The following AUH variants were observed in gnomAD, a reference collection of about 807,000 sequenced individuals.
AUH encodes the protein methylglutaconyl-CoA hydratase, mitochondrial.
In AUH, 29 loss-of-function variants were observed where a neutral mutation model predicts 42.3. That is an observed-to-expected ratio of 0.69 (90% CI 0.51 to 0.93). AUH has a LOEUF of 0.93. Ranked by LOEUF, AUH falls within the 40% of genes least tolerant of loss-of-function variation. AUH has a pLI of 0.00. For missense variants in AUH, 452 were observed against 438.1 expected (o/e 1.03, Z -0.28); for synonymous variants, 174 against 166.4 (o/e 1.05, Z -0.35).
intron 3 of AUH, among the ~76,000 whole-genome samples, chr9:91,329,003 T>C (rs1362199248): frequency 6.6e-6 from 1 of 152,226 alleles, no homozygotes; most frequent in Admixed American, 6.5e-5. Flanking sequence ...ACATTTCCTA[T>C]AAATAAATTC....
chr9:91,220,775 G>A (rs750904334), intron 7 of AUH, 30 bp downstream of exon 7: 1 of 1,611,566 alleles, frequency 6.2e-7, no homozygotes, highest in Non-Finnish European at 8.5e-7. Context: ...CCTAAAATGA[G>A]AAAAAATAAA....
chr9:91,313,808 T>C (rs537060794), intron 4 of AUH, among the ~76,000 whole-genome samples: 1 of 149,056 alleles, frequency 6.7e-6, no homozygotes, highest in African/African-American at 2.5e-5. Flanking sequence ...GTGCAGTATC[T>C]GGTCCATAAA....
intron 4 of AUH, among the ~76,000 whole-genome samples, chr9:91,302,452 G>A (rs529818825): frequency 6.6e-6 from 1 of 152,180 alleles, no homozygotes; most frequent in African/African-American, 2.4e-5. Flanking sequence ...AGCTGGGCGT[G>A]GTGGTACATG....
intron 4 of AUH, among the ~76,000 whole-genome samples, chr9:91,307,812 C>T (rs1828347662): frequency 6.6e-6 from 1 of 152,054 alleles, no homozygotes; most frequent in Admixed American, 6.5e-5. Context: ...TTCAGACATC[C>T]ACTAGGGGTC....
chr9:91,336,351 G>A (rs1296057052), intron 3 of AUH, among the ~76,000 whole-genome samples: 3 of 152,054 alleles, frequency 2.0e-5, no homozygotes, highest in African/African-American at 7.2e-5. Flanking sequence ...ACCTGGATTG[G>A]CCAGGCATGG....
intron 6 of AUH, among the ~76,000 whole-genome samples, chr9:91,270,952 T>C (rs1011485394): frequency 4.6e-5 from 7 of 152,166 alleles, no homozygotes; most frequent in Non-Finnish European, 5.9e-5. Flanking sequence ...TCAAACTACC[T>C]TATAAAAATA....
intron 7 of AUH, among the ~76,000 whole-genome samples, chr9:91,217,897 A>G (rs1826917772): frequency 6.6e-6 from 1 of 152,212 alleles, no homozygotes; most frequent in Non-Finnish European, 1.5e-5. Flanking sequence ...CAGGATGCAG[A>G]AGAGTCACAA....
chr9:91,313,446 C>T (rs1003126418), intron 4 of AUH, among the ~76,000 whole-genome samples: 20 of 152,110 alleles, frequency 1.3e-4, no homozygotes, highest in African/African-American at 4.8e-4. Flanking sequence ...TGGCTCACGC[C>T]TGTAATCCCA....
At chr9:91,300,647 C>G (rs1827710445) in intron 4 of AUH, among the ~76,000 whole-genome samples, 1 of 152,226 alleles carries the variant, frequency 6.6e-6, no homozygotes, top group Non-Finnish European at 1.5e-5. Context: ...ATGATTTATT[C>G]TACCTTCAGG....
chr9:91,296,575 T>C (rs997533987), intron 5 of AUH, among the ~76,000 whole-genome samples: 1 of 152,236 alleles, frequency 6.6e-6, no homozygotes, highest in Non-Finnish European at 1.5e-5. Context: ...ACAGGGTTCC[T>C]CTTTTCATGT....
chr9:91,304,231 C>G (rs138357999), intron 4 of AUH, among the ~76,000 whole-genome samples: 1 of 152,270 alleles, frequency 6.6e-6, no homozygotes, highest in African/African-American at 2.4e-5. Context: ...GCTAGCATTC[C>G]CTCTCACATG....
chr9:91,358,033 C>T (rs960836428), intron 1 of AUH, among the ~76,000 whole-genome samples: 2 of 152,080 alleles, frequency 1.3e-5, no homozygotes, highest in Non-Finnish European at 2.9e-5. Flanking sequence ...AGACACAATT[C>T]GAGTCCAATC....
At chr9:91,338,845 G>A (rs1448324956) in intron 3 of AUH, among the ~76,000 whole-genome samples, 1 of 152,206 alleles carries the variant, frequency 6.6e-6, no homozygotes, top group Non-Finnish European at 1.5e-5. Flanking sequence ...AGAAACTAAT[G>A]AGACTCACTA....
At chr9:91,217,052 T>C (rs1040687908) in intron 8 of AUH, among the ~76,000 whole-genome samples, 3 of 152,248 alleles carry the variant, frequency 2.0e-5, no homozygotes, top group African/African-American at 7.2e-5. Context: ...TTCAGGGCAC[T>C]GGTAAAATTA....
At chr9:91,280,055 CCT>C (rs1407916942) in intron 6 of AUH, among the ~76,000 whole-genome samples, 2 of 152,128 alleles carry the variant, frequency 1.3e-5, no homozygotes, top group Non-Finnish European at 2.9e-5. Context: ...CAATTCACAC[CCT>C]GTTTTTCACA....
At chr9:91,283,768 C>T (rs1170068354) in intron 6 of AUH, among the ~76,000 whole-genome samples, 1 of 152,142 alleles carries the variant, frequency 6.6e-6, no homozygotes, top group Non-Finnish European at 1.5e-5. Flanking sequence ...ATGTGAACGA[C>T]CTCTTCAAGG....
At chr9:91,338,638 C>T (rs1053207865) in intron 3 of AUH, among the ~76,000 whole-genome samples, 4 of 152,184 alleles carry the variant, frequency 2.6e-5, no homozygotes, top group Admixed American at 2.6e-4. Context: ...ATCATGTTGG[C>T]CAGGCTGGTC....
intron 3 of AUH, among the ~76,000 whole-genome samples, chr9:91,327,002 A>T (rs1182887641): frequency 6.6e-6 from 1 of 152,138 alleles, no homozygotes; most frequent in Non-Finnish European, 1.5e-5. Flanking sequence ...TCTGCTGCCC[A>T]GCAATCCTAC....
At chr9:91,306,667 C>T (rs1390009222) in intron 4 of AUH, among the ~76,000 whole-genome samples, 1 of 152,186 alleles carries the variant, frequency 6.6e-6, no homozygotes, top group Non-Finnish European at 1.5e-5. Flanking sequence ...ACATTTTTAA[C>T]CCAGGTGATT....
Sources: gnomAD v4.1 joint callset for allele counts (sites outside exome capture counted in the v4.1 genomes callset) on GRCh38, gnomAD v4.1.1 for gene constraint, MANE v1.5 for transcripts, NCBI Gene and HGNC (gene_info 2026-07-23, HGNC 2026-07-21) for gene names.